IPO7: variants seen among roughly 807,000 people sequenced by gnomAD.
IPO7 encodes the protein importin 7.
A neutral mutation model predicts 136.4 loss-of-function variants in IPO7; 13 were observed. That is an observed-to-expected ratio of 0.10 (90% CI 0.06 to 0.15). The LOEUF (loss-of-function observed/expected upper bound fraction) is 0.15. Among genes scored for constraint, IPO7 ranks in the 10% least tolerant of loss-of-function variants. The pLI is 1.00. For synonymous variants in IPO7, 403 were observed against 404.4 expected, an observed-to-expected ratio of 1.00 and a Z score of 0.04; for missense variants, 857 against 1,240.6, an observed-to-expected ratio of 0.69 and a Z score of 4.65.
chr11:9,442,743 C>T (rs1469583193), intron 24 of IPO7, among the ~76,000 whole-genome samples: 1 of 149,624 alleles, frequency 6.7e-6, no homozygotes, highest in African/African-American at 2.4e-5. Flanking sequence ...TATAATTGGG[C>T]CAGGTGTGGT....
chr11:9,425,970 T>C (rs1422814116), intron 12 of IPO7, among the ~76,000 whole-genome samples: 1 of 151,678 alleles, frequency 6.6e-6, no homozygotes, highest in Non-Finnish European at 1.5e-5. Flanking sequence ...CACTTGAACT[T>C]GGGAGGCGGA....
chr11:9,446,158 A>G lies in IPO7; in HGVS notation c.*964A>G, dbSNP rs1391417453. 6.6e-6 allele frequency: 1 copy of G among 152,204 alleles called. No homozygotes were observed. Among genetic ancestry groups the G allele is most frequent in the African/African-American group, 2.4e-5 (1 of 41,444 alleles). The allele number at this position is 152,204 out of a possible 1,614,324, so 9.4% of individuals were successfully genotyped here. ...AAATTGGATATAAAGTTCTGCTCTT[A>G]AAGAGTTGATCTAAGAGTATGGCTA... is the stretch of plus-strand genomic sequence containing the variant. On this transcript the variant is annotated 3_prime_UTR_variant, in exon 25 of 25. Coordinates refer to ENST00000379719, the MANE Select transcript of IPO7 (RefSeq NM_006391.3).
At chr11:9,407,886 A>T (rs1255902265) in intron 2 of IPO7, among the ~76,000 whole-genome samples, 1 of 152,210 alleles carries the variant, frequency 6.6e-6, no homozygotes, top group Non-Finnish European at 1.5e-5. Context: ...TCAGTTTGTT[A>T]ACTTTTGTCA....
intron 1 of IPO7, among the ~76,000 whole-genome samples, chr11:9,401,954 G>A (rs1181325084): frequency 6.6e-6 from 1 of 152,104 alleles, no homozygotes; most frequent in Non-Finnish European, 1.5e-5. Context: ...GCCTCCCAGA[G>A]CCACCATGCC....
At chr11:9,406,558 A>C (rs1854890920) in intron 2 of IPO7, among the ~76,000 whole-genome samples, 1 of 152,156 alleles carries the variant, frequency 6.6e-6, no homozygotes, top group Non-Finnish European at 1.5e-5. Context: ...AAAAATTTAA[A>C]ATATCATTAA....
Position 9,433,320 on chromosome 11 carries a change from G to A in IPO7, c.1882-250G>A, listed in dbSNP as rs780030621. 39 of 459,426 alleles carry A rather than the reference G, an allele frequency of 8.5e-5. 1 individual carries two copies. The highest frequency in any genetic ancestry group is 6.3e-4 in the East Asian group (17 of 27,110). 28.5% of individuals were successfully genotyped at this position (459,426 alleles called of 1,614,324 possible). ...ATTTTCATAGTTGTTTGCATTTTTC[G>A]AGAATGTTGTTTTTTCCTTTTTAGG... is the stretch of plus-strand genomic sequence containing the variant. On this transcript the variant is annotated intron_variant, in intron 16 of 24. Coordinates refer to ENST00000379719, the MANE Select transcript of IPO7 (RefSeq NM_006391.3).
rs1564995788 is a variant in IPO7, at chr11:9,409,909, G to T, written c.321-19G>T. On this transcript the variant is annotated intron_variant, in intron 3 of 24. Coordinates refer to ENST00000379719, the MANE Select transcript of IPO7 (RefSeq NM_006391.3). ...ACCTAGTTAGGATTTTTTCCTTACT[G>T]TTTTTTTTTGGCTTCCAGGGTACAG... 5 of 1,448,926 alleles carry T rather than the reference G, an allele frequency of 3.5e-6. No homozygotes were observed. In the African/African-American group the frequency reaches 4.4e-5, roughly 13 times the overall value. 89.8% of individuals were successfully genotyped at this position (1,448,926 alleles called of 1,614,324 possible).
intron 12 of IPO7, among the ~76,000 whole-genome samples, chr11:9,427,799 T>G (rs1321512488): frequency 1.3e-5 from 2 of 152,240 alleles, no homozygotes; most frequent in Non-Finnish European, 1.5e-5. Context: ...AACTAATCCA[T>G]GGACCTTTTT....
intron 24 of IPO7, among the ~76,000 whole-genome samples, chr11:9,442,799 G>C (rs1855476917): frequency 6.6e-6 from 1 of 151,986 alleles, no homozygotes; most frequent in Non-Finnish European, 1.5e-5. Context: ...ACGGTGGGTG[G>C]ATTGCCTGAG....
chr11:9,428,967 A>C, intron 13 of IPO7, 64 bp from the exon 14 acceptor site: 52 of 1,403,636 alleles, frequency 3.7e-5, no homozygotes, highest in Non-Finnish European at 5.1e-5. Context: ...CTCAGGGAAT[A>C]GAGATTAGCT....
At chr11:9,408,764 T>A in intron 3 of IPO7, 125 bp downstream of exon 3, 1 of 589,852 alleles carries the variant, frequency 1.7e-6, no homozygotes, top group Non-Finnish European at 2.6e-6. Flanking sequence ...CAGGCTGGAG[T>A]GCAGTGGCAC....
intron 1 of IPO7, among the ~76,000 whole-genome samples, chr11:9,387,412 C>A (rs1854566530): frequency 6.6e-6 from 1 of 152,242 alleles, no homozygotes; most frequent in African/African-American, 2.4e-5. Context: ...CTCTCATTTC[C>A]TTCCATCCCT....
intron 20 of IPO7, 23 bp downstream of exon 20, chr11:9,436,389 T>G: frequency 6.6e-7 from 1 of 1,510,076 alleles, no homozygotes; most frequent in East Asian, 2.3e-5. Context: ...AATAATGATT[T>G]GTAGTTCAGA....
intron 1 of IPO7, among the ~76,000 whole-genome samples, chr11:9,402,138 GTGCCTGTAA>G (rs1554953072): frequency 6.6e-6 from 1 of 152,064 alleles, no homozygotes; most frequent in Non-Finnish European, 1.5e-5. Flanking sequence ...ATGGTGCCTC[GTGCCTGTAA>G]TCCCAACACT....
chr11:9,422,025 A>G (rs1388269661), intron 8 of IPO7, among the ~76,000 whole-genome samples: 2 of 152,202 alleles, frequency 1.3e-5, no homozygotes, highest in Admixed American at 1.3e-4. Context: ...CACGCCTATA[A>G]TCCCAGCACT....
chr11:9,404,004 G>A (rs1854838415), intron 2 of IPO7, among the ~76,000 whole-genome samples: 1 of 152,082 alleles, frequency 6.6e-6, no homozygotes, highest in African/African-American at 2.4e-5. Flanking sequence ...TGGGATTATA[G>A]GCGTGAGCCA....
At position 9,423,864 on chromosome 11, in the gene IPO7, C is replaced by T. The variant is rs775774617; in HGVS notation, c.1129C>T (p.Arg377Cys). The T allele has an allele frequency of 1.9e-6, 3 of 1,592,848 alleles. No homozygotes were observed. The highest frequency in any genetic ancestry group is 1.3e-5 in the African/African-American group (1 of 74,496). The change falls in exon 10 of 25, where the codon CGC (arginine) becomes TGC (cysteine). Residue 377 changes from arginine (R) to cysteine (C), a missense_variant. This residue lies in a region of IPO7 where 127 missense variants were observed against 222.4 expected (regional missense o/e 0.57). Coordinates refer to ENST00000379719, the MANE Select transcript of IPO7 (RefSeq NM_006391.3). The stretch of plus-strand genomic sequence containing the variant: ...GCAAGAAGACCCTTACGAATATATA[C>T]GCATGAAGTTTGGTAAGGAATTTTC... ...LWQEDPYEYI[R>C]MKFDVFEDFI...
intron 3 of IPO7, among the ~76,000 whole-genome samples, chr11:9,409,080 C>G (rs1340459246): frequency 6.6e-6 from 1 of 151,248 alleles, no homozygotes; most frequent in African/African-American, 2.4e-5. Flanking sequence ...AAAACTTACC[C>G]AACAGATGCT....
intron 3 of IPO7, among the ~76,000 whole-genome samples, chr11:9,409,460 C>G (rs1344618287): frequency 6.6e-6 from 1 of 151,870 alleles, no homozygotes; most frequent in Non-Finnish European, 1.5e-5. Context: ...AAACCAAAAA[C>G]TTCATATAAA....
Sources: gnomAD v4.1 joint callset for allele counts (sites outside exome capture counted in the v4.1 genomes callset) on GRCh38, gnomAD v4.1.1 for gene constraint, gnomAD v4.1.1 regional missense constraint, MANE v1.5 for transcripts, NCBI Gene and HGNC (gene_info 2026-07-23, HGNC 2026-07-21) for gene names.